The following GALNT18 variants were observed in gnomAD, a reference collection of about 807,000 sequenced individuals.
The protein encoded by GALNT18 is GalNAc-transferase 18.
GALNT18 carries 44 observed loss-of-function variants against 69.5 expected under a neutral mutation model. The ratio of observed to expected loss-of-function variants is 0.63; its 90% CI spans 0.50 to 0.81. The LOEUF is 0.81. Among genes scored for constraint, GALNT18 ranks in the 40% least tolerant of loss-of-function variants. The pLI, the probability that GALNT18 is intolerant of heterozygous loss-of-function variation, is 0.00. For synonymous variants in GALNT18, 364 were observed against 318.2 expected, an observed-to-expected ratio of 1.14 and a Z score of -1.53; for missense variants, 715 against 810.0, an observed-to-expected ratio of 0.88 and a Z score of 1.42.
chr11:11,515,797 C>T (rs1857261648), intron 1 of GALNT18, among the ~76,000 whole-genome samples: 1 of 152,162 alleles, frequency 6.6e-6, no homozygotes. Flanking sequence ...AAATGCAGAG[C>T]CCCTCGTGGG....
chr11:11,462,279 T>A (rs1209970636), intron 1 of GALNT18, among the ~76,000 whole-genome samples: 110 of 134,334 alleles, frequency 8.2e-4, no homozygotes, highest in African/African-American at 2.6e-3. Flanking sequence ...CTTTTCTTTT[T>A]TTTTTTTTTT....
chr11:11,504,477 C>A (rs1290923666), intron 1 of GALNT18, among the ~76,000 whole-genome samples: 4 of 151,958 alleles, frequency 2.6e-5, no homozygotes, highest in Admixed American at 1.3e-4. Flanking sequence ...CAGGTCATCA[C>A]CGGGCGTGAT....
At chr11:11,308,418 T>C (rs200729055) in intron 9 of GALNT18, among the ~76,000 whole-genome samples, 1 of 152,286 alleles carries the variant, frequency 6.6e-6, no homozygotes, top group East Asian at 1.9e-4. Flanking sequence ...GCTCTGTGCT[T>C]CGTCCCCAGT....
intron 3 of GALNT18, among the ~76,000 whole-genome samples, chr11:11,390,939 T>A (rs1854176885): frequency 6.6e-6 from 1 of 152,232 alleles, no homozygotes; most frequent in Non-Finnish European, 1.5e-5. Flanking sequence ...CCTATTTGGG[T>A]CGCTGTGGAA....
At chr11:11,282,372 T>C (rs749385603) in intron 10 of GALNT18, among the ~76,000 whole-genome samples, 2 of 152,248 alleles carry the variant, frequency 1.3e-5, no homozygotes. Context: ...TGCCTAGTAC[T>C]ATGCCAAATA....
rs539959918 is a variant in GALNT18 at position 11,404,039 on chromosome 11, T to C, written c.596-24775A>G. On this transcript the variant is annotated intron_variant, in intron 3 of 10. Coordinates refer to ENST00000227756, the MANE Select transcript of GALNT18 (RefSeq NM_198516.3). This position sits in a 1 kb window ranked among gnomAD's most constrained non-coding sequence, Gnocchi z 4.5. Reference sequence around the variant, plus strand: ...GGCAGGATCCAGGCAGCCTGGCTCTTCTGAGGGAGCTGTGCCCAGAGATAC... The same window carrying C: ...GGCAGGATCCAGGCAGCCTGGCTCTCCTGAGGGAGCTGTGCCCAGAGATAC... Among the ~76,000 whole-genome samples the C allele has an allele frequency of 6.6e-6, 1 of 152,196 alleles. No individual in the cohort carries two copies. Among genetic ancestry groups the C allele is most frequent in the Non-Finnish European group, 1.5e-5 (1 of 68,022 alleles).
chr11:11,614,578 T>C lies in GALNT18; in HGVS notation c.235+6781A>G, dbSNP rs1860002081. Among the ~76,000 whole-genome samples, 1 of 152,206 alleles carries C rather than the reference T, an allele frequency of 6.6e-6. No individual in the cohort carries two copies. Among genetic ancestry groups the C allele is most frequent in the Non-Finnish European group, 1.5e-5 (1 of 68,036 alleles). The stretch of plus-strand genomic sequence containing the variant: ...TTTGGAGGGTACAAACATTCAAGCA[T>C]ATCAAGCACATTCAGCTATTCAAGT... On this transcript the variant is annotated intron_variant, in intron 1 of 10. Transcript: ENST00000227756. The surrounding 1 kb of genome is among the most constrained non-coding windows in gnomAD (Gnocchi z 5.6).
rs533499905 is a variant in GALNT18, at chr11:11,509,722, C to T, written c.236-60786G>A. Reference sequence around the variant, plus strand: ...GGCCTCAGCCCTTTGTGCCTAGCCACTGGCAGAGAGCAGAGGACTGGCCAC... The same window carrying T: ...GGCCTCAGCCCTTTGTGCCTAGCCATTGGCAGAGAGCAGAGGACTGGCCAC... On this transcript the variant is annotated intron_variant, in intron 1 of 10. Transcript: ENST00000227756. Among the ~76,000 whole-genome samples the T allele has an allele frequency of 7.9e-5, 12 of 152,384 alleles. No individual in the cohort carries two copies. The South Asian group carries it at 2.5e-3, about 32-fold the overall frequency.
chr11:11,578,552 T>C (rs548481949), intron 1 of GALNT18, among the ~76,000 whole-genome samples: 12 of 152,338 alleles, frequency 7.9e-5, no homozygotes, highest in African/African-American at 2.9e-4. Context: ...CTTTTATCCT[T>C]TCCTTCACCA....
intron 1 of GALNT18, among the ~76,000 whole-genome samples, chr11:11,609,386 G>T (rs144967808): frequency 0.011 from 1,656 of 152,116 alleles, 33 homozygotes; most frequent in African/African-American, 0.038. Context: ...TGTTCCCTCC[G>T]CCTGGCACTC....
chr11:11,381,905 G>A (rs1853930164), intron 3 of GALNT18, among the ~76,000 whole-genome samples: 1 of 152,248 alleles, frequency 6.6e-6, no homozygotes, highest in Non-Finnish European at 1.5e-5. Flanking sequence ...GGAATGGTTT[G>A]TTATACACAA....
intron 2 of GALNT18, among the ~76,000 whole-genome samples, chr11:11,437,524 A>G (rs957206595): frequency 2.0e-4 from 30 of 152,066 alleles, no homozygotes; most frequent in Non-Finnish European, 3.7e-4. Context: ...CAAATTTACA[A>G]CAAGGGCTTC....
At chr11:11,381,392 A>G (rs1853915104) in intron 3 of GALNT18, among the ~76,000 whole-genome samples, 1 of 152,136 alleles carries the variant, frequency 6.6e-6, no homozygotes, top group Non-Finnish European at 1.5e-5. Flanking sequence ...TGAAAGGGAT[A>G]CCTGTCCCCT....
rs1853973722 is a variant in GALNT18 at position 11,383,618 on chromosome 11, C to T, written c.596-4354G>A. On this transcript the variant is annotated intron_variant, in intron 3 of 10. Transcript: ENST00000227756. This position sits in a 1 kb window ranked among gnomAD's most constrained non-coding sequence, Gnocchi z 5.2. ...GACATAGAAATGAAGTGAGAGTTCA[C>T]CCATTCATTCATTCATTCATTCAAC... is the stretch of plus-strand genomic sequence containing the variant. Among the ~76,000 whole-genome samples, 1 of 151,722 alleles carries T rather than the reference C, an allele frequency of 6.6e-6. No homozygotes were observed. Among genetic ancestry groups the T allele is most frequent in the African/African-American group, 2.4e-5 (1 of 41,438 alleles).
chr11:11,464,932 G>A (rs1323719261), intron 1 of GALNT18, among the ~76,000 whole-genome samples: 6 of 152,138 alleles, frequency 3.9e-5, no homozygotes, highest in Non-Finnish European at 5.9e-5. Context: ...CATAAACACC[G>A]GCTGTTGTTA....
Position 11,492,912 on chromosome 11 carries a change from A to G in GALNT18, c.236-43976T>C, listed in dbSNP as rs1464066725. ...GTATCCCAGAACTTAAAGTAAATAA[A>G]TAAATAAAAGAAATGGATCTGCATT... On this transcript the variant is annotated intron_variant, in intron 1 of 10. Transcript: ENST00000227756. Among the ~76,000 whole-genome samples the G allele has an allele frequency of 3.9e-5, 6 of 152,134 alleles. No homozygotes were observed. The South Asian group carries it at 1.2e-3, about 32-fold the overall frequency.
chr11:11,322,101 C>T (rs1339465104), intron 9 of GALNT18, among the ~76,000 whole-genome samples: 1 of 152,226 alleles, frequency 6.6e-6, no homozygotes, highest in Non-Finnish European at 1.5e-5. Flanking sequence ...GGACTTACTA[C>T]ATACCAGGTA....
At position 11,330,096 on chromosome 11, in the gene GALNT18, C is replaced by A. The variant is rs570998939; in HGVS notation, c.1416+2598G>T. Among the ~76,000 whole-genome samples, 3 of 152,254 alleles carry A rather than the reference C, an allele frequency of 2.0e-5. No homozygotes were observed. The South Asian group carries it at 6.2e-4, about 32-fold the overall frequency. ...TCTCCTGGACATGAAGCTCAATGAT[C>A]CAGGGGAAACTTATGCCCACACGAT... On this transcript the variant is annotated intron_variant, in intron 8 of 10. Coordinates refer to ENST00000227756, the MANE Select transcript of GALNT18 (RefSeq NM_198516.3).
chr11:11,374,657 C>T (rs1018098296), intron 5 of GALNT18, among the ~76,000 whole-genome samples: 5 of 152,202 alleles, frequency 3.3e-5, no homozygotes, highest in Admixed American at 6.5e-5. Context: ...TATTATTAAC[C>T]GGCTAGGGTA....
Sources: allele counts gnomAD v4.1 joint callset (sites outside exome capture counted in the v4.1 genomes callset), GRCh38; gene constraint gnomAD v4.1.1; non-coding constraint Gnocchi (gnomAD v3.1); transcripts MANE v1.5; gene names NCBI Gene and HGNC (gene_info 2026-07-23, HGNC 2026-07-21).